EIF5B: variants seen among roughly 807,000 people sequenced by gnomAD.
EIF5B encodes eukaryotic translation initiation factor 5B, also known as eIF-5B.
EIF5B carries 47 observed loss-of-function variants against 147.5 expected under a neutral mutation model. The ratio of observed to expected loss-of-function variants is 0.32; its 90% confidence interval spans 0.25 to 0.41. EIF5B has a LOEUF of 0.41. Ranked by LOEUF, EIF5B falls within the 10% of genes least tolerant of loss-of-function variation. The pLI, the probability that EIF5B is intolerant of heterozygous loss-of-function variation, is 1.00. For synonymous variants in EIF5B, 455 were observed against 456.2 expected (o/e 1.00, Z 0.03); for missense variants, 1,064 against 1,413.2 (o/e 0.75, Z 3.96).
intron 9 of EIF5B, among the ~76,000 whole-genome samples, chr2:99,375,745 A>G (rs1674551460): frequency 1.3e-5 from 2 of 152,214 alleles, no homozygotes; most frequent in Non-Finnish European, 2.9e-5. Context: ...CATATAGACA[A>G]ACACCTTGCG....
intron 1 of EIF5B, among the ~76,000 whole-genome samples, chr2:99,347,046 C>T (rs1470511945): frequency 6.6e-6 from 1 of 152,076 alleles, no homozygotes; most frequent in African/African-American, 2.4e-5. Context: ...CACCCTGTCG[C>T]CCAGGCTGGA....
intron 1 of EIF5B, among the ~76,000 whole-genome samples, chr2:99,338,742 A>G (rs1486188116): frequency 6.6e-6 from 1 of 152,006 alleles, no homozygotes; most frequent in African/African-American, 2.4e-5. Flanking sequence ...AGGGGAACAC[A>G]AATTTCTGTA....
chr2:99,341,295 A>G (rs529132972), intron 1 of EIF5B, among the ~76,000 whole-genome samples: 2 of 152,396 alleles, frequency 1.3e-5, no homozygotes, highest in African/African-American at 4.8e-5. Context: ...AAAAAGATGC[A>G]TAATCAGAAT....
Position 99,369,384 on chromosome 2 carries a change from T to A in EIF5B, c.1388-8T>A. On this transcript the variant is annotated splice_region_variant and splice_polypyrimidine_tract_variant and intron_variant, in intron 7 of 23. Transcript: ENST00000289371. ...AAAATATTATCTTGGTTTCTGCCCCTTTTTCAGTGTCTGAATCAATGGAAT... is the reference window on the plus strand; with the variant it reads ...AAAATATTATCTTGGTTTCTGCCCCATTTTCAGTGTCTGAATCAATGGAAT... 1.3e-6 allele frequency: 2 copies of A among 1,595,540 alleles called. No individual in the cohort carries two copies. The highest frequency in any genetic ancestry group is 1.7e-6 in the Non-Finnish European group (2 of 1,171,196).
At chr2:99,343,548 T>C (rs978733170) in intron 1 of EIF5B, among the ~76,000 whole-genome samples, 5 of 152,022 alleles carry the variant, frequency 3.3e-5, no homozygotes, top group African/African-American at 7.2e-5. Flanking sequence ...CCGGGCACAG[T>C]GGCTCATGCC....
chr2:99,399,051 C>G, intron 23 of EIF5B, 142 bp downstream of exon 23: 1 of 1,034,472 alleles, frequency 9.7e-7, no homozygotes, highest in South Asian at 1.7e-5. Flanking sequence ...TGACCTCTAG[C>G]TGGGCCTTGT....
In EIF5B at chr2:99,337,424, T is replaced by C. The variant is rs2094245360; in HGVS notation, c.-131T>C. On this transcript the variant is annotated 5_prime_UTR_variant, in exon 1 of 24. Transcript: ENST00000289371. ...TGTCCTGTTCCAGTGCGCGGGTCTGTGGAGAGCCGGGTGCGAGCGGCGGCA... is the reference window on the plus strand; with the variant it reads ...TGTCCTGTTCCAGTGCGCGGGTCTGCGGAGAGCCGGGTGCGAGCGGCGGCA... The C allele has an allele frequency of 8.6e-7, 1 of 1,168,544 alleles. No homozygotes were observed. The allele number at this position is 1,168,544 out of a possible 1,614,324, so 72.4% of individuals were successfully genotyped here.
intron 1 of EIF5B, among the ~76,000 whole-genome samples, chr2:99,359,128 C>T (rs1428673846): frequency 4.6e-5 from 7 of 151,332 alleles, no homozygotes; most frequent in Admixed American, 2.0e-4. Flanking sequence ...TTTGGGAGGC[C>T]GAGGGTGGCT....
At chr2:99,359,243 C>A (rs1014944837) in intron 1 of EIF5B, among the ~76,000 whole-genome samples, 1 of 151,648 alleles carries the variant, frequency 6.6e-6, no homozygotes, top group Non-Finnish European at 1.5e-5. Context: ...GTGGCGGGCT[C>A]CTGTAGTCCC....
At chr2:99,376,238 T>G (rs1220094953) in intron 9 of EIF5B, 109 bp from the exon 10 acceptor site, 2 of 650,160 alleles carry the variant, frequency 3.1e-6, no homozygotes, top group African/African-American at 3.6e-5. Context: ...TCTTGTAATG[T>G]GGCTCAGGGA....
rs2290257 is a variant in EIF5B at position 99,400,250 on chromosome 2, G to C, written c.*836G>C. On this transcript the variant is annotated 3_prime_UTR_variant, in exon 24 of 24. Transcript: ENST00000289371. ...TTTAATCTTGATCTGTTTTAGTAGA[G>C]ATTTTTATACATTAATCTTGATCTG... The C allele has an allele frequency of 0.42, 63,965 of 151,934 alleles. 13,721 individuals carry two copies. The highest frequency in any genetic ancestry group is 0.57 in the Admixed American group (8,637 of 15,280). 9.4% of individuals were successfully genotyped at this position (151,934 alleles called of 1,614,324 possible).
intron 1 of EIF5B, among the ~76,000 whole-genome samples, chr2:99,357,709 C>A (rs954093644): frequency 1.3e-5 from 2 of 152,164 alleles, no homozygotes; most frequent in African/African-American, 4.8e-5. Flanking sequence ...AGATGCCAAA[C>A]TTCAGCCTTC....
intron 11 of EIF5B, 79 bp downstream of exon 11, chr2:99,379,205 A>T (rs1467913666): frequency 1.4e-6 from 2 of 1,411,374 alleles, no homozygotes; most frequent in Admixed American, 4.5e-5. Context: ...TTAGAGACCA[A>T]TAGGACATAT....
intron 6 of EIF5B, among the ~76,000 whole-genome samples, chr2:99,366,091 A>G (rs1674322702): frequency 1.7e-5 from 1 of 59,592 alleles, no homozygotes; most frequent in South Asian, 7.8e-4. Context: ...AAGCATATAC[A>G]CACACACACA....
Position 99,361,653 on chromosome 2 carries a change from G to A in EIF5B, c.752G>A (p.Arg251Gln), listed in dbSNP as rs548505093. Residue 251 changes from arginine to glutamine, a missense_variant, in exon 4 of 24, where the codon CGG becomes CAG. By Grantham distance (43) the Arg-to-Gln change is conservative. Coordinates refer to ENST00000289371, the MANE Select transcript of EIF5B (RefSeq NM_015904.4). ...CGAGATGAAGAAAAAGCGAAACTGC[G>A]GAAGCTGAAAGAAAAAGAAGAGTTA... is the stretch of plus-strand genomic sequence containing the variant. ...KKRDEEKAKLRKLKEKEELET... is the reference protein window; with the variant it reads ...KKRDEEKAKLQKLKEKEELET... 19 of 1,597,482 alleles carry A rather than the reference G, an allele frequency of 1.2e-5. No homozygotes were observed. The highest frequency in any genetic ancestry group is 5.4e-5 in the African/African-American group (4 of 73,532).
intron 1 of EIF5B, among the ~76,000 whole-genome samples, chr2:99,348,814 A>G (rs912427040): frequency 1.3e-5 from 2 of 152,192 alleles, no homozygotes; most frequent in Non-Finnish European, 2.9e-5. Flanking sequence ...TTTGGATTTT[A>G]CACTTCTACC....
chr2:99,358,538 G>A (rs2105343186), intron 1 of EIF5B, among the ~76,000 whole-genome samples: 1 of 152,248 alleles, frequency 6.6e-6, no homozygotes, highest in East Asian at 1.9e-4. Context: ...GTTCAGATCT[G>A]GTACACAATC....
rs558311938 is a variant in EIF5B at position 99,391,382 on chromosome 2, G to C, written c.2748+677G>C. Among the ~76,000 whole-genome samples the C allele has an allele frequency of 3.9e-5, 6 of 152,232 alleles. No homozygotes were observed. The East Asian group carries it at 1.2e-3, about 29-fold the overall frequency. ...CAGTTCAAGCCCATTTTGTTCAAGG[G>C]TCAGCTGTAGTTTTTTAACATTTTT... is the stretch of plus-strand genomic sequence containing the variant. On this transcript the variant is annotated intron_variant, in intron 17 of 23. Transcript: ENST00000289371.
intron 7 of EIF5B, among the ~76,000 whole-genome samples, chr2:99,369,026 A>G (rs553918850): frequency 6.6e-6 from 1 of 152,242 alleles, no homozygotes; most frequent in Non-Finnish European, 1.5e-5. Context: ...TAATCCCAGC[A>G]CGCTGGGAGG....
Sources: allele counts gnomAD v4.1 joint callset (sites outside exome capture counted in the v4.1 genomes callset), GRCh38; gene constraint gnomAD v4.1.1; transcripts MANE v1.5; gene names NCBI Gene and HGNC (gene_info 2026-07-23, HGNC 2026-07-21).